FANK1: variants seen among roughly 807,000 people sequenced by gnomAD.
FANK1 encodes the protein fibronectin type 3 and ankyrin repeat domains protein 1.
In FANK1, 44 loss-of-function variants were observed where a neutral mutation model predicts 45.3. The ratio of observed to expected loss-of-function variants is 0.97; its 90% confidence interval spans 0.76 to 1.25. FANK1 has a LOEUF of 1.25. Ranked by LOEUF, FANK1 falls within the 50% of genes most tolerant of loss-of-function variation. The pLI, the probability that FANK1 is intolerant of heterozygous loss-of-function variation, is 0.00. For synonymous variants in FANK1, 149 were observed against 152.5 expected, an observed-to-expected ratio of 0.98 and a Z score of 0.17; for missense variants, 391 against 424.4, an observed-to-expected ratio of 0.92 and a Z score of 0.69.
chr10:125,918,031 G>T (rs1280604413), intron 1 of FANK1, among the ~76,000 whole-genome samples: 9 of 151,570 alleles, frequency 5.9e-5, no homozygotes, highest in African/African-American at 1.2e-4. Context: ...AGTGAATTAT[G>T]ATCATGCCAC....
chr10:125,904,819 T>G (rs1024881293), intron 1 of FANK1, among the ~76,000 whole-genome samples: 1 of 152,186 alleles, frequency 6.6e-6, no homozygotes, highest in African/African-American at 2.4e-5. Context: ...CTGTTCCCTT[T>G]ATTTTTGTTC....
At chr10:125,927,439 A>G (rs1229131307) in intron 1 of FANK1, among the ~76,000 whole-genome samples, 2 of 151,794 alleles carry the variant, frequency 1.3e-5, no homozygotes, top group Non-Finnish European at 2.9e-5. Flanking sequence ...TGGTTTGTTT[A>G]TTGTTGTGTG....
At chr10:125,918,708 T>C (rs1946694579) in intron 1 of FANK1, among the ~76,000 whole-genome samples, 1 of 150,740 alleles carries the variant, frequency 6.6e-6, no homozygotes. Flanking sequence ...TCACTAATCC[T>C]TAGAACAACT....
At chr10:125,917,798 G>C in intron 1 of FANK1, among the ~76,000 whole-genome samples, 1 of 152,310 alleles carries the variant, frequency 6.6e-6, no homozygotes, top group East Asian at 1.9e-4. Flanking sequence ...AAAGTAGAAT[G>C]GTAGTCAGGC....
chr10:126,009,552 A>G lies in FANK1; in HGVS notation c.*114A>G, dbSNP rs1953512238. 1 of 1,095,512 alleles carries G rather than the reference A, an allele frequency of 9.1e-7. No homozygotes were observed. The highest frequency in any genetic ancestry group is 1.6e-5 in the African/African-American group (1 of 63,112). 67.9% of individuals were successfully genotyped at this position (1,095,512 alleles called of 1,614,324 possible). ...GCTGTACATTTATTTATTTAGTTGAAGATTCACTGATCCCACTTTGAAATA... is the reference window on the plus strand; with the variant it reads ...GCTGTACATTTATTTATTTAGTTGAGGATTCACTGATCCCACTTTGAAATA... On this transcript the variant is annotated 3_prime_UTR_variant, in exon 11 of 11. Transcript: ENST00000368693.
At chr10:125,944,507 C>T (rs957595789) in intron 1 of FANK1, among the ~76,000 whole-genome samples, 1 of 152,142 alleles carries the variant, frequency 6.6e-6, no homozygotes, top group African/African-American at 2.4e-5. Context: ...GGAGCAGGCC[C>T]CCCAAAATCT....
chr10:126,003,372 G>T (rs1463946013), intron 6 of FANK1, among the ~76,000 whole-genome samples: 2 of 151,882 alleles, frequency 1.3e-5, no homozygotes, highest in Non-Finnish European at 2.9e-5. Context: ...AAATCAGCGT[G>T]GGCAATAAGG....
intron 1 of FANK1, among the ~76,000 whole-genome samples, chr10:125,938,532 G>A (rs192888444): frequency 6.6e-6 from 1 of 152,318 alleles, no homozygotes; most frequent in Non-Finnish European, 1.5e-5. Flanking sequence ...GGGAGTGGCT[G>A]ACACGGTGGT....
rs60956003 is a variant in FANK1, at chr10:125,912,443, AGTGTGTGTGT to A, written c.13+15823_13+15832del. Among the ~76,000 whole-genome samples the A allele has an allele frequency of 7.8e-3, 1,156 of 147,280 alleles. 13 individuals are homozygous for A. Among genetic ancestry groups the A allele is most frequent in the African/African-American group, 0.022 (888 of 39,944 alleles). ...GTTTCCTTTTTATTGGCACCACCAAAGTGTGTGTGTGTGTGTGTGTGTGTGTGTGTGTGTG... is the reference window on the plus strand; with the variant it reads ...GTTTCCTTTTTATTGGCACCACCAAAGTGTGTGTGTGTGTGTGTGTGTGTG... On this transcript the variant is annotated intron_variant, in intron 1 of 10. Transcript: ENST00000368693.
intron 1 of FANK1, among the ~76,000 whole-genome samples, chr10:125,922,340 G>A (rs541352971): frequency 0.018 from 2,726 of 152,168 alleles, 93 homozygotes; most frequent in African/African-American, 0.062. Context: ...TCTCACCACC[G>A]CCATCCAGAT....
At chr10:125,910,783 C>T (rs1189804603) in intron 1 of FANK1, among the ~76,000 whole-genome samples, 2 of 152,028 alleles carry the variant, frequency 1.3e-5, no homozygotes, top group African/African-American at 2.4e-5. Context: ...TCCTGTAATC[C>T]CAGCACTTTG....
Position 125,905,146 on chromosome 10 carries a change from A to C in FANK1, c.13+8491A>C, listed in dbSNP as rs577583678. 1.4e-3 allele frequency among the ~76,000 whole-genome samples: 52 copies of C among 36,788 alleles called. No individual in the cohort carries two copies. The South Asian group carries it at 0.028, about 20-fold the overall frequency. The allele number at this position is 36,788 out of a possible 152,430, so 24.1% of individuals were successfully genotyped here. On this transcript the variant is annotated intron_variant, in intron 1 of 10. Coordinates refer to ENST00000368693, the MANE Select transcript of FANK1 (RefSeq NM_145235.5). ...ACTCTGTCCCAAAAAAAAAAAAAAA[A>C]AAAACAAAAAAAACGTTTCTGTAGC...
intron 2 of FANK1, among the ~76,000 whole-genome samples, chr10:125,986,585 T>C (rs935276230): frequency 6.6e-6 from 1 of 152,188 alleles, no homozygotes; most frequent in Non-Finnish European, 1.5e-5. Context: ...ACCTAGACCA[T>C]GACTTTCCCA....
intron 1 of FANK1, among the ~76,000 whole-genome samples, chr10:125,922,844 G>A (rs565124912): frequency 9.2e-5 from 14 of 152,306 alleles, no homozygotes; most frequent in Non-Finnish European, 1.3e-4. Flanking sequence ...TCTGATCCAC[G>A]TTGAATAATG....
intron 1 of FANK1, among the ~76,000 whole-genome samples, chr10:125,937,471 A>C (rs1948176907): frequency 6.6e-6 from 1 of 152,292 alleles, no homozygotes; most frequent in Non-Finnish European, 1.5e-5. Context: ...GTATTGAGTC[A>C]ATGTTTAGAA....
At chr10:125,899,640 A>G (rs1944872982) in intron 1 of FANK1, among the ~76,000 whole-genome samples, 1 of 152,256 alleles carries the variant, frequency 6.6e-6, no homozygotes, top group Non-Finnish European at 1.5e-5. Context: ...ATTTGTATCC[A>G]ACCAGATTTC....
intron 3 of FANK1, among the ~76,000 whole-genome samples, chr10:125,992,841 G>A (rs573224723): frequency 6.6e-6 from 1 of 151,990 alleles, no homozygotes; most frequent in South Asian, 2.1e-4. Flanking sequence ...GCACGTTTTG[G>A]AAGATTTTTA....
chr10:125,961,748 C>T (rs1472719966), intron 1 of FANK1, among the ~76,000 whole-genome samples: 1 of 152,162 alleles, frequency 6.6e-6, no homozygotes, highest in African/African-American at 2.4e-5. Flanking sequence ...GAGTTTAAGA[C>T]CAGCCTAGGC....
At chr10:125,905,145 A>AC (rs1945392963) in intron 1 of FANK1, among the ~76,000 whole-genome samples, 1 of 41,598 alleles carries the variant, frequency 2.4e-5, no homozygotes, top group Non-Finnish European at 5.5e-5. Context: ...AAAAAAAAAA[A>AC]AAAAACAAAA....
Sources: allele counts gnomAD v4.1 joint callset (sites outside exome capture counted in the v4.1 genomes callset), GRCh38; gene constraint gnomAD v4.1.1; transcripts MANE v1.5; gene names NCBI Gene and HGNC (gene_info 2026-07-23, HGNC 2026-07-21).